Variants in SGPP2 observed in about 807,000 individuals in gnomAD.
The protein encoded by SGPP2 is sphingosine-1-phosphate phosphatase 2.
In SGPP2, 30 loss-of-function variants were observed where a neutral mutation model predicts 33.9. The observed-to-expected ratio is 0.89, with a 90% CI of 0.66 to 1.20. SGPP2 has a LOEUF of 1.20. Ranked by LOEUF, SGPP2 falls within the 50% of genes most tolerant of loss-of-function variation. The probability of loss-of-function intolerance (pLI) is 0.00; values close to 1 mark genes in which losing one functional copy is unlikely to be tolerated. For missense variants in SGPP2, 458 were observed against 532.1 expected, an observed-to-expected ratio of 0.86 and a Z score of 1.37; for synonymous variants, 233 against 225.0, an observed-to-expected ratio of 1.04 and a Z score of -0.32.
At chr2:222,546,893 T>C (rs1689211436) in intron 4 of SGPP2, among the ~76,000 whole-genome samples, 1 of 150,574 alleles carries the variant, frequency 6.6e-6, no homozygotes, top group South Asian at 2.1e-4. Context: ...AGAGCTCACA[T>C]TGGCCTCTGT....
chr2:222,532,491 G>A (rs1041110765), intron 4 of SGPP2, among the ~76,000 whole-genome samples: 4 of 152,072 alleles, frequency 2.6e-5, no homozygotes, highest in African/African-American at 7.2e-5. Flanking sequence ...GCATGGGGAG[G>A]CATTAAACCC....
intron 2 of SGPP2, among the ~76,000 whole-genome samples, chr2:222,489,666 A>T (rs779967266): frequency 2.1e-4 from 32 of 152,108 alleles, no homozygotes; most frequent in Non-Finnish European, 4.1e-4. Context: ...GAAAGGATTA[A>T]ATTATTAAAA....
intron 1 of SGPP2, among the ~76,000 whole-genome samples, chr2:222,446,431 G>A (rs1029739098): frequency 2.0e-5 from 3 of 152,208 alleles, no homozygotes; most frequent in African/African-American, 7.2e-5. Context: ...CAGTCGATCC[G>A]AGTACCCAGA....
intron 1 of SGPP2, among the ~76,000 whole-genome samples, chr2:222,467,780 A>C (rs892843364): frequency 2.7e-5 from 4 of 150,752 alleles, no homozygotes; most frequent in Non-Finnish European, 5.9e-5. Context: ...TGTAGATTTT[A>C]TCTCTCTCAG....
At chr2:222,463,923 C>T (rs1319627086) in intron 1 of SGPP2, among the ~76,000 whole-genome samples, 4 of 152,086 alleles carry the variant, frequency 2.6e-5, no homozygotes, top group African/African-American at 7.2e-5. Flanking sequence ...GACATGCTGC[C>T]AGGTTAGAAG....
intron 1 of SGPP2, among the ~76,000 whole-genome samples, chr2:222,458,852 C>T (rs1027985197): frequency 6.6e-6 from 1 of 152,192 alleles, no homozygotes; most frequent in African/African-American, 2.4e-5. Flanking sequence ...TTTGCCTCTT[C>T]CTCACTGAGG....
At chr2:222,441,782 A>G (rs1697329143) in intron 1 of SGPP2, among the ~76,000 whole-genome samples, 1 of 152,198 alleles carries the variant, frequency 6.6e-6, no homozygotes, top group South Asian at 2.1e-4. Context: ...AGTTACTAAG[A>G]TTATTACCAT....
intron 2 of SGPP2, among the ~76,000 whole-genome samples, chr2:222,488,323 C>G (rs79114817): frequency 2.0e-5 from 3 of 152,126 alleles, no homozygotes; most frequent in African/African-American, 7.2e-5. Flanking sequence ...AGTGGGTGAG[C>G]GAGCATTACT....
chr2:222,545,944 G>A (rs1172818568), intron 4 of SGPP2, among the ~76,000 whole-genome samples: 5 of 152,292 alleles, frequency 3.3e-5, no homozygotes, highest in East Asian at 1.9e-4. Context: ...ATTGATGCAC[G>A]CTGATTGGAT....
Position 222,525,482 on chromosome 2 carries a change from C to T in SGPP2, c.648+449C>T, listed in dbSNP as rs72968849. ...ACCAGGTCAGAGGAGCCCGGTATCA[C>T]GGCTTTGCTTCCTTCCATACTGTTT... On this transcript the variant is annotated intron_variant, in intron 4 of 4. Transcript: ENST00000321276. Among the ~76,000 whole-genome samples, 261 of 152,304 alleles carry T rather than the reference C, an allele frequency of 1.7e-3. 1 individual carries two copies. The highest frequency in any genetic ancestry group is 2.0e-3 in the Non-Finnish European group (135 of 68,028).
chr2:222,503,032 G>A (rs917949311), intron 2 of SGPP2, among the ~76,000 whole-genome samples: 30 of 152,166 alleles, frequency 2.0e-4, no homozygotes, highest in Non-Finnish European at 4.4e-5. Flanking sequence ...TTGAAGAAAA[G>A]TTACCCATTC....
Position 222,558,724 on chromosome 2 carries a change from A to G in SGPP2, c.1026A>G (p.Val342=), listed in dbSNP as rs201121127. ...TGATCCTCTTGGTTCGTCAGCTTGTACAAAATCTCTCACTGCAAGTATTAT... is the reference window on the plus strand; with the variant it reads ...TGATCCTCTTGGTTCGTCAGCTTGTGCAAAATCTCTCACTGCAAGTATTAT... The part of the protein sequence containing the change: ...IVLILLVRQL[V]QNLSLQVLYS... The change falls in exon 5 of 5, where the codon GTA becomes GTG. Residue 342 remains valine, a synonymous_variant. Transcript: ENST00000321276. 10 of 1,614,174 alleles carry G rather than the reference A, an allele frequency of 6.2e-6. No homozygotes were observed. The East Asian group carries it at 1.8e-4, about 29-fold the overall frequency.
intron 1 of SGPP2, among the ~76,000 whole-genome samples, chr2:222,450,762 G>C (rs1323954012): frequency 1.3e-5 from 2 of 152,148 alleles, no homozygotes; most frequent in Non-Finnish European, 2.9e-5. Flanking sequence ...GTTTGAAAAG[G>C]GGGTTGGTAC....
Position 222,519,560 on chromosome 2 carries a change from A to T in SGPP2, c.379-2207A>T, listed in dbSNP as rs1865897. 4.1e-3 allele frequency among the ~76,000 whole-genome samples: 631 copies of T among 152,278 alleles called. 2 individuals carry two copies. The highest frequency in any genetic ancestry group is 0.014 in the African/African-American group (571 of 41,554). On this transcript the variant is annotated intron_variant, in intron 2 of 4. Coordinates refer to ENST00000321276, the MANE Select transcript of SGPP2 (RefSeq NM_152386.4). Reference sequence around the variant, plus strand: ...GGGTATGGACATCCAATTCTTTTTTAAAAAAATCAACTTTCATTTTAGATA... The same window carrying T: ...GGGTATGGACATCCAATTCTTTTTTTAAAAAATCAACTTTCATTTTAGATA...
chr2:222,542,055 C>T (rs986549419), intron 4 of SGPP2, among the ~76,000 whole-genome samples: 3 of 152,308 alleles, frequency 2.0e-5, no homozygotes, highest in East Asian at 3.9e-4. Context: ...ACAGCATTAT[C>T]AGTACCTCAG....
chr2:222,470,927 G>A (rs980720350), intron 1 of SGPP2, among the ~76,000 whole-genome samples: 2 of 152,144 alleles, frequency 1.3e-5, no homozygotes, highest in African/African-American at 2.4e-5. Context: ...TCATGATTCC[G>A]CTCTAGAGAG....
intron 4 of SGPP2, 130 bp downstream of exon 4, chr2:222,525,163 G>A: frequency 1.6e-6 from 1 of 636,760 alleles, no homozygotes; most frequent in Non-Finnish European, 2.7e-6. Flanking sequence ...TCATGCCAAT[G>A]CATTAAGTAA....
chr2:222,514,708 T>C (rs915563505), intron 2 of SGPP2, among the ~76,000 whole-genome samples: 2 of 152,226 alleles, frequency 1.3e-5, no homozygotes, highest in African/African-American at 4.8e-5. Flanking sequence ...TTAAGAGTCA[T>C]GTTAGACACA....
intron 4 of SGPP2, among the ~76,000 whole-genome samples, chr2:222,544,863 T>G (rs1689155840): frequency 6.6e-6 from 1 of 152,078 alleles, no homozygotes; most frequent in Non-Finnish European, 1.5e-5. Context: ...TGAGCGTGTA[T>G]GGGGTGTTAG....
Sources: allele counts gnomAD v4.1 joint callset (sites outside exome capture counted in the v4.1 genomes callset), GRCh38; gene constraint gnomAD v4.1.1; transcripts MANE v1.5; gene names NCBI Gene and HGNC (gene_info 2026-07-23, HGNC 2026-07-21).